Variants in TBX10 observed in about 807,000 individuals in gnomAD.
TBX10 encodes the protein T-box transcription factor TBX10.
TBX10 carries 26 observed loss-of-function variants against 32.4 expected under a neutral mutation model. The observed-to-expected ratio is 0.80, with a 90% CI of 0.59 to 1.11. TBX10 has a LOEUF of 1.11. Ranked by LOEUF, TBX10 falls within the 50% of genes most tolerant of loss-of-function variation. The probability of loss-of-function intolerance (pLI) is 0.00; values close to 1 mark genes in which losing one functional copy is unlikely to be tolerated. For synonymous variants in TBX10, 195 were observed against 203.1 expected (o/e 0.96, Z 0.34); for missense variants, 490 against 494.5 (o/e 0.99, Z 0.09).
At position 67,631,580 on chromosome 11, in the gene TBX10, G is replaced by C. The variant is rs376486770; in HGVS notation, c.*25C>G. The C allele has an allele frequency of 7.0e-6, 11 of 1,579,706 alleles. No homozygotes were observed. In the African/African-American group the frequency reaches 1.3e-4, roughly 19 times the overall value. ...ACCCGGTGTAAGGTCCAGGGTAGCA[G>C]GGCTTCCCCCCAGGGCTTCTGGCAT... On this transcript the variant is annotated 3_prime_UTR_variant, in exon 8 of 8. Coordinates refer to ENST00000335385, the MANE Select transcript of TBX10 (RefSeq NM_005995.5).
chr11:67,639,850 G>C (rs188286232), upstream of TBX10, among the ~76,000 whole-genome samples: 39 of 152,250 alleles, frequency 2.6e-4, no homozygotes, highest in African/African-American at 9.4e-4. Flanking sequence ...CCCTCTTCAA[G>C]TTCCTCCCTT....
At chr11:67,639,080 A>G (rs1027997974) in intron 1 of TBX10, among the ~76,000 whole-genome samples, 4 of 152,150 alleles carry the variant, frequency 2.6e-5, no homozygotes, top group African/African-American at 4.8e-5. Flanking sequence ...CAGTCCCTCT[A>G]GAAGCCAGCA....
chr11:67,639,411 C>T (rs1455379165), intron 1 of TBX10, 55 bp downstream of exon 1: 12 of 1,574,928 alleles, frequency 7.6e-6, no homozygotes, highest in Non-Finnish European at 8.7e-7. Flanking sequence ...TGCCCACCCA[C>T]CCTGGAACCT....
chr11:67,639,409 C>A, intron 1 of TBX10, 57 bp downstream of exon 1: 2 of 1,506,998 alleles, frequency 1.3e-6, no homozygotes, highest in South Asian at 1.1e-5. Context: ...CCTGCCCACC[C>A]ACCCTGGAAC....
rs768875858 is a variant in TBX10 at position 67,631,658 on chromosome 11, C to G, written c.1105G>C (p.Gly369Arg). Residue 369 changes from glycine (G) to arginine (R), a missense_variant, in exon 8 of 8, where the codon GGG becomes CGG. This residue lies in a region of TBX10 where 177 missense variants were observed against 176.6 expected (regional missense o/e 1.00). Coordinates refer to ENST00000335385, the MANE Select transcript of TBX10 (RefSeq NM_005995.5). ...CACACCACAGTGGGGGACAGGAGCC[C>G]CAGCCCAGCTGGGAGAGGCAGGCCT... is the stretch of plus-strand genomic sequence containing the variant. ...QGGLPLPAGL[G>R]LLSPTVVCLG... 6.2e-7 allele frequency: 1 copy of G among 1,606,444 alleles called. No homozygotes were observed. Among genetic ancestry groups the G allele is most frequent in the Non-Finnish European group, 8.5e-7 (1 of 1,178,012 alleles).
chr11:67,633,434 C>T (rs755745574), intron 4 of TBX10, among the ~76,000 whole-genome samples: 2 of 152,118 alleles, frequency 1.3e-5, no homozygotes, highest in Non-Finnish European at 2.9e-5. Context: ...TCCTTCTCCA[C>T]ACAGCTGCCC....
At chr11:67,632,167 T>G in intron 7 of TBX10, 151 bp downstream of exon 7, 1 of 1,002,138 alleles carries the variant, frequency 1.0e-6, no homozygotes, top group Non-Finnish European at 1.5e-6. Flanking sequence ...CATATTGTCT[T>G]AGGCATGTCT....
intron 4 of TBX10, 22 bp from the exon 5 acceptor site, chr11:67,633,125 G>A (rs1855264140): frequency 6.2e-7 from 1 of 1,610,354 alleles, no homozygotes; most frequent in South Asian, 1.1e-5. Flanking sequence ...ACAGAGCAGG[G>A]GTACAGGGGT....
intron 1 of TBX10, among the ~76,000 whole-genome samples, chr11:67,636,809 T>C (rs904141858): frequency 3.9e-5 from 6 of 152,224 alleles, no homozygotes; most frequent in African/African-American, 1.2e-4. Context: ...AGAATTACCA[T>C]ATGATCCAGC....
In TBX10 at chr11:67,639,689, C is replaced by T. The variant is rs984516269; in HGVS notation, c.-217G>A. 2.2e-5 allele frequency: 14 copies of T among 650,318 alleles called. No individual in the cohort carries two copies. The highest frequency in any genetic ancestry group is 1.3e-4 in the Admixed American group (6 of 44,982). 40.3% of individuals were successfully genotyped at this position (650,318 alleles called of 1,614,324 possible). On this transcript the variant is annotated 5_prime_UTR_variant, in exon 1 of 8. Coordinates refer to ENST00000335385, the MANE Select transcript of TBX10 (RefSeq NM_005995.5). ...CGTGGTCTTCCTACTCGAGCTGGAC[C>T]CCTGGTCTCCGAAGGTGAGATGCAG... is the stretch of plus-strand genomic sequence containing the variant.
rs1390103911 is a variant in TBX10, at chr11:67,633,019, G to A, written c.634C>T (p.Gln212Ter). Residue 212 changes from glutamine to a stop codon, truncating the protein, a stop_gained, in exon 5 of 8, where the codon CAG (glutamine) becomes TAG (stop). Transcript: ENST00000335385. LOFTEE classifies it high-confidence loss of function. ...AAGATGAAGGACTTGAAGTTCTCCT[G>A]GGCATAGCGCTCACTGTCCTTGCGT... ...DPRKDSERYA[Q>*]ENFKSFIFTE... is the part of the protein sequence containing the mutation. 1 of 1,614,192 alleles carries A rather than the reference G, an allele frequency of 6.2e-7. No homozygotes were observed. Among genetic ancestry groups the A allele is most frequent in the Non-Finnish European group, 8.5e-7 (1 of 1,180,012 alleles).
chr11:67,635,646 G>A (rs562826736), intron 1 of TBX10, among the ~76,000 whole-genome samples: 69 of 151,466 alleles, frequency 4.6e-4, no homozygotes, highest in African/African-American at 1.6e-3. Context: ...GGTGCACAGG[G>A]GGCCCTTCAC....
chr11:67,639,753 C>T lies in TBX10; in HGVS notation c.-281G>A, dbSNP rs183274732. Among the ~76,000 whole-genome samples the T allele has an allele frequency of 1.1e-4, 16 of 152,350 alleles. No individual in the cohort carries two copies. The highest frequency in any genetic ancestry group is 7.7e-4 in the East Asian group (4 of 5,186). Reference sequence around the variant, plus strand: ...CAGCGGCCCTTCTCCAAGCCACTCTCGGGCTGTGCTGTCCAAGGCTGTGCG... The same window carrying T: ...CAGCGGCCCTTCTCCAAGCCACTCTTGGGCTGTGCTGTCCAAGGCTGTGCG... On this transcript the variant is annotated 5_prime_UTR_variant, in exon 1 of 8. Transcript: ENST00000335385.
At position 67,631,516 on chromosome 11, in the gene TBX10, G is replaced by C; in HGVS notation, c.*89C>G. The C allele has an allele frequency of 2.7e-6, 4 of 1,488,404 alleles. No individual in the cohort carries two copies. The highest frequency in any genetic ancestry group is 3.6e-6 in the Non-Finnish European group (4 of 1,104,878). 92.2% of individuals were successfully genotyped at this position (1,488,404 alleles called of 1,614,324 possible). ...CCTACCCTGCTCTCCTTGAGACAGA[G>C]ATGGGGCTGGAGGGGGCGGGGCAGA... On this transcript the variant is annotated 3_prime_UTR_variant, in exon 8 of 8. Coordinates refer to ENST00000335385, the MANE Select transcript of TBX10 (RefSeq NM_005995.5).
At position 67,633,089 on chromosome 11, in the gene TBX10, A is replaced by G. The variant is rs752634466; in HGVS notation, c.564T>C (p.Ser188=). Residue 188 remains serine, a synonymous_variant, in exon 5 of 8, where the codon TCT becomes TCC. Coordinates refer to ENST00000335385, the MANE Select transcript of TBX10 (RefSeq NM_005995.5). ...LDDNGHIILN[S]MHRYQPRFHV... ...GGAAACGGGGCTGGTAGCGGTGCATAGAGTTGAGAATGATCTGTGGAAGGG... is the reference window on the plus strand; with the variant it reads ...GGAAACGGGGCTGGTAGCGGTGCATGGAGTTGAGAATGATCTGTGGAAGGG... 185 of 1,613,896 alleles carry G rather than the reference A, an allele frequency of 1.1e-4. No homozygotes were observed. The highest frequency in any genetic ancestry group is 1.5e-4 in the Non-Finnish European group (179 of 1,179,918).
At chr11:67,640,268 G>A (rs1487040104), upstream of TBX10, among the ~76,000 whole-genome samples, 4 of 152,246 alleles carry the variant, frequency 2.6e-5, no homozygotes, top group African/African-American at 4.8e-5. Context: ...AGGGAGCTGC[G>A]CAACGCTGGC....
At chr11:67,641,569 A>C (rs1032845035), upstream of TBX10, among the ~76,000 whole-genome samples, 1 of 151,778 alleles carries the variant, frequency 6.6e-6, no homozygotes, top group Non-Finnish European at 1.5e-5. Flanking sequence ...TTCTCATATC[A>C]CTGCTCAATA....
intron 4 of TBX10, among the ~76,000 whole-genome samples, chr11:67,633,793 C>T (rs1855277085): frequency 2.6e-5 from 4 of 152,204 alleles, no homozygotes; most frequent in South Asian, 2.1e-4. Flanking sequence ...CTATCTGAGA[C>T]GCTGGGGACA....
At position 67,639,505 on chromosome 11, in the gene TBX10, A is replaced by T; in HGVS notation, c.-33T>A. ...GAGAGGCTGTCCGGCTCCTGGAGAA[A>T]CACTGCTTGGCTGGGGCTGGGAACC... On this transcript the variant is annotated 5_prime_UTR_variant, in exon 1 of 8. Coordinates refer to ENST00000335385, the MANE Select transcript of TBX10 (RefSeq NM_005995.5). 6.2e-7 allele frequency: 1 copy of T among 1,612,550 alleles called. No individual in the cohort carries two copies. Among genetic ancestry groups the T allele is most frequent in the Non-Finnish European group, 8.5e-7 (1 of 1,179,556 alleles).
Sources: allele counts gnomAD v4.1 joint callset (sites outside exome capture counted in the v4.1 genomes callset), GRCh38; gene constraint gnomAD v4.1.1; regional missense constraint gnomAD v4.1.1; transcripts MANE v1.5; gene names NCBI Gene and HGNC (gene_info 2026-07-23, HGNC 2026-07-21).